Variants in BRD1 observed in about 807,000 individuals in gnomAD.
BRD1 encodes the protein bromodomain containing 1.
A neutral mutation model predicts 107.7 loss-of-function variants in BRD1; 24 were observed. The observed-to-expected ratio is 0.22, with a 90% CI of 0.16 to 0.31. The LOEUF (loss-of-function observed/expected upper bound fraction) is 0.31, where lower values mean the gene tolerates loss of function less well. Ranked by LOEUF, BRD1 falls within the 10% of genes least tolerant of loss-of-function variation. The probability of loss-of-function intolerance (pLI) is 1.00; values close to 1 mark genes in which losing one functional copy is unlikely to be tolerated. For synonymous variants in BRD1, 744 were observed against 686.1 expected (o/e 1.08, Z -1.32); for missense variants, 1,279 against 1,638.6 (o/e 0.78, Z 3.79).
In BRD1 at chr22:49,787,578, CTT is replaced by C. The variant is rs1481301118; in HGVS notation, c.2667_2668del (p.Ser890CysfsTer11). The C allele has an allele frequency of 6.4e-7, 1 of 1,570,450 alleles. No homozygotes were observed. Among genetic ancestry groups the C allele is most frequent in the Non-Finnish European group, 8.6e-7 (1 of 1,157,074 alleles). On this transcript the variant is annotated frameshift_variant, in exon 8 of 13. Transcript: ENST00000404760. LOFTEE classifies it high-confidence loss of function. Reference sequence around the variant, plus strand: ...CTTGGCAGACTTTGGGGGGCTTACACTTTTCGATTTGCAGAAGAGAACAGAAG... The same window carrying C: ...CTTGGCAGACTTTGGGGGGCTTACACTTCGATTTGCAGAAGAGAACAGAAG...
chr22:49,815,521 C>G (rs768886775), intron 2 of BRD1, among the ~76,000 whole-genome samples: 1 of 150,674 alleles, frequency 6.6e-6, no homozygotes, highest in Non-Finnish European at 1.5e-5. Context: ...CCAGCCTGGG[C>G]GACACAGCAA....
intron 2 of BRD1, among the ~76,000 whole-genome samples, chr22:49,816,464 C>T (rs2059954327): frequency 6.6e-6 from 1 of 152,160 alleles, no homozygotes; most frequent in South Asian, 2.1e-4. Flanking sequence ...CCTCTGAGGA[C>T]GGCTGTGCAG....
intron 2 of BRD1, among the ~76,000 whole-genome samples, chr22:49,821,837 C>A (rs540844198): frequency 1.3e-5 from 2 of 152,208 alleles, no homozygotes; most frequent in Non-Finnish European, 1.5e-5. Context: ...GGGCTCTAGG[C>A]GTCTCCCCCA....
rs190922953 is a variant in BRD1 at position 49,773,372 on chromosome 22, T to C, written c.*861A>G. 6.6e-6 allele frequency: 1 copy of C among 151,814 alleles called. No homozygotes were observed. Among genetic ancestry groups the C allele is most frequent in the East Asian group, 2.0e-4 (1 of 4,884 alleles). The allele number at this position is 151,814 out of a possible 1,614,324, so 9.4% of individuals were successfully genotyped here. A position where few individuals can be genotyped will look rare whatever the true frequency, so the allele number is the denominator to read the frequency against. ...AACATAATGCTTTACCTCTTAAAAA[T>C]AAAAATAAAGTACTAATTCTATATA... is the stretch of plus-strand genomic sequence containing the variant. On this transcript the variant is annotated 3_prime_UTR_variant, in exon 13 of 13. Coordinates refer to ENST00000404760, the MANE Select transcript of BRD1 (RefSeq NM_001304808.3).
intron 1 of BRD1, among the ~76,000 whole-genome samples, chr22:49,826,771 G>C (rs568514933): frequency 4.6e-5 from 7 of 152,332 alleles, no homozygotes; most frequent in African/African-American, 1.4e-4. Context: ...CTCAAAAACA[G>C]ACACGGGCGG....
intron 2 of BRD1, among the ~76,000 whole-genome samples, chr22:49,810,406 G>A (rs1484879427): frequency 6.6e-6 from 1 of 152,098 alleles, no homozygotes; most frequent in Non-Finnish European, 1.5e-5. Flanking sequence ...CCTATTAAAA[G>A]ACCCTTGGTT....
chr22:49,805,266 G>A (rs1047836963), intron 2 of BRD1, among the ~76,000 whole-genome samples: 2 of 152,106 alleles, frequency 1.3e-5, no homozygotes, highest in Non-Finnish European at 2.9e-5. Flanking sequence ...ACCCAACGCC[G>A]CCTCTTCCGG....
At chr22:49,779,704 G>A (rs2059167426) in intron 8 of BRD1, among the ~76,000 whole-genome samples, 1 of 152,182 alleles carries the variant, frequency 6.6e-6, no homozygotes, top group South Asian at 2.1e-4. Flanking sequence ...TGCACACTCA[G>A]GCCCCGAAGA....
At chr22:49,816,956 C>T (rs1924886479) in intron 2 of BRD1, among the ~76,000 whole-genome samples, 2 of 152,244 alleles carry the variant, frequency 1.3e-5, no homozygotes, top group South Asian at 2.1e-4. Flanking sequence ...TGCTATCCAT[C>T]CGCCAGGACC....
At position 49,804,231 on chromosome 22, in the gene BRD1, G is replaced by A. The variant is rs1394725025; in HGVS notation, c.1497C>T (p.Ser499=). Residue 499 remains serine, a synonymous_variant, in exon 3 of 13, where the codon AGC becomes AGT. Coordinates refer to ENST00000404760, the MANE Select transcript of BRD1 (RefSeq NM_001304808.3). ...GCTGTGAGCTTCGCTGAGACTGCAGGCTGGACTGCAGCCGCCGCAGCAGGG... is the reference window on the plus strand; with the variant it reads ...GCTGTGAGCTTCGCTGAGACTGCAGACTGGACTGCAGCCGCCGCAGCAGGG... The part of the protein sequence containing the change: ...GAPLLRRLQS[S]LQSQRSSQQR... 1.9e-6 allele frequency: 3 copies of A among 1,604,528 alleles called. No individual in the cohort carries two copies. The South Asian group carries it at 3.4e-5, about 18-fold the overall frequency.
chr22:49,782,188 C>T (rs577708615), intron 8 of BRD1, among the ~76,000 whole-genome samples: 76 of 143,410 alleles, frequency 5.3e-4, no homozygotes, highest in Middle Eastern at 4.2e-3. Flanking sequence ...CAGCCGGGGA[C>T]GGTCAGAGAC....
At chr22:49,819,297 T>C (rs1397670504) in intron 2 of BRD1, among the ~76,000 whole-genome samples, 2 of 144,658 alleles carry the variant, frequency 1.4e-5, no homozygotes, top group South Asian at 2.2e-4. Flanking sequence ...AAAATAACAA[T>C]AAATCAATGT....
chr22:49,795,756 G>C (rs942388580), intron 6 of BRD1, among the ~76,000 whole-genome samples: 14 of 152,266 alleles, frequency 9.2e-5, no homozygotes, highest in Non-Finnish European at 2.1e-4. Flanking sequence ...AGAGCGTGAT[G>C]GCTGTGGGAG....
At chr22:49,807,782 G>T (rs2059772901) in intron 2 of BRD1, among the ~76,000 whole-genome samples, 1 of 152,134 alleles carries the variant, frequency 6.6e-6, no homozygotes. Flanking sequence ...TAAAATGTGT[G>T]CATTAAAAGA....
At chr22:49,822,804 C>T (rs2060093531) in intron 2 of BRD1, 147 bp downstream of exon 2, 1 of 903,178 alleles carries the variant, frequency 1.1e-6, no homozygotes, top group Non-Finnish European at 1.7e-6. Context: ...GGTAAACAAG[C>T]AGAACCACAC....
At chr22:49,822,710 C>CAA (rs776786142) in intron 2 of BRD1, among the ~76,000 whole-genome samples, 1 of 142,598 alleles carries the variant, frequency 7.0e-6, no homozygotes, top group Non-Finnish European at 1.5e-5. Flanking sequence ...ACTCCGTCTC[C>CAA]AAAAAAAAAA....
At chr22:49,814,165 C>G (rs1159658886) in intron 2 of BRD1, among the ~76,000 whole-genome samples, 1 of 152,222 alleles carries the variant, frequency 6.6e-6, no homozygotes, top group Non-Finnish European at 1.5e-5. Context: ...ACAGGGGGCT[C>G]TCTCCAAAGA....
Position 49,792,249 on chromosome 22 carries a change from G to T in BRD1, c.2359+1785C>A, listed in dbSNP as rs983353342. ...GGTACAACTGTGTGCGAAGAGAAGC[G>T]CTGGAAGCTATTTTGAGAATGGTGA... On this transcript the variant is annotated intron_variant, in intron 7 of 12. Transcript: ENST00000404760. The surrounding 1 kb of genome is among the most constrained non-coding windows in gnomAD (Gnocchi z 4.2). 2.0e-5 allele frequency among the ~76,000 whole-genome samples: 3 copies of T among 152,206 alleles called. No individual in the cohort carries two copies.
rs186200268 is a variant in BRD1 at position 49,782,005 on chromosome 22, A to G, written c.2858-4192T>C. 1.2e-4 allele frequency among the ~76,000 whole-genome samples: 17 copies of G among 146,882 alleles called. No homozygotes were observed. In the East Asian group the frequency reaches 2.2e-3, roughly 19 times the overall value. The stretch of plus-strand genomic sequence containing the variant: ...CCCAAGGCCCAGGCCAGATGCCTGC[A>G]CAAGACTTGCTCCGTGACAATGCAG... On this transcript the variant is annotated intron_variant, in intron 8 of 12. Coordinates refer to ENST00000404760, the MANE Select transcript of BRD1 (RefSeq NM_001304808.3).
Sources: allele counts gnomAD v4.1 joint callset (sites outside exome capture counted in the v4.1 genomes callset), GRCh38; gene constraint gnomAD v4.1.1; non-coding constraint Gnocchi (gnomAD v3.1); transcripts MANE v1.5; gene names NCBI Gene and HGNC (gene_info 2026-07-23, HGNC 2026-07-21).